The following GSTT4 variants were observed in gnomAD, a reference collection of about 807,000 sequenced individuals.
GSTT4 encodes the protein glutathione S-transferase theta 4, also known as glutathione S-transferase theta-4.
At chr22:23,999,912 GC>G (rs2034188287) in intron 4 of GSTT4, among the ~76,000 whole-genome samples, 162 bp downstream of exon 4, 2 of 152,196 alleles carry the variant, frequency 1.3e-5, no homozygotes, top group African/African-American at 4.8e-5. Context: ...GCTTCCTGTT[GC>G]CCCGATTGAG....
chr22:23,999,800 G>A (rs1243120358), intron 4 of GSTT4, among the ~76,000 whole-genome samples: 7 of 150,486 alleles, frequency 4.7e-5, no homozygotes, highest in Admixed American at 4.6e-4. Context: ...AGGAAATGCA[G>A]TGTTCTTCTC....
At chr22:24,001,990 C>T (rs1231687957) in intron 2 of GSTT4, among the ~76,000 whole-genome samples, 1 of 152,070 alleles carries the variant, frequency 6.6e-6, no homozygotes, top group Admixed American at 6.5e-5. Flanking sequence ...GACTCTGTCT[C>T]AAAAAACCAA....
intron 1 of GSTT4, chr22:24,004,495 G>A (rs1329357314): frequency 1.3e-5 from 2 of 153,892 alleles, no homozygotes; most frequent in Non-Finnish European, 2.9e-5. Flanking sequence ...TCTGTGCTGG[G>A]GATGGAGTTG....
the GSTT4 span, among the ~76,000 whole-genome samples, chr22:23,992,593 A>G: frequency 2.0e-5 from 3 of 151,186 alleles, no homozygotes; most frequent in South Asian, 6.3e-4. Flanking sequence ...CCATCTTAAC[A>G]TTCTTAACAA....
At chr22:23,995,338 T>C (rs1601569711), downstream of GSTT4, among the ~76,000 whole-genome samples, 1 of 152,198 alleles carries the variant, frequency 6.6e-6, no homozygotes, top group East Asian at 1.9e-4. Context: ...GCTGATGGTC[T>C]TCCATGAACA....
chr22:24,002,259 G>A (rs2034246645), intron 2 of GSTT4, among the ~76,000 whole-genome samples: 3 of 152,258 alleles, frequency 2.0e-5, no homozygotes, highest in Admixed American at 1.3e-4. Flanking sequence ...TGAGCCCGAG[G>A]GGGCAGAATG....
At chr22:24,002,783 A>G (rs2034260692) in intron 2 of GSTT4, among the ~76,000 whole-genome samples, 1 of 40,468 alleles carries the variant, frequency 2.5e-5, no homozygotes, top group South Asian at 1.1e-3. Context: ...GTGAGCCAAG[A>G]TAGCGCCACT....
At chr22:23,990,487 G>C in the GSTT4 span, among the ~76,000 whole-genome samples, 9 of 76,734 alleles carry the variant, frequency 1.2e-4, 1 homozygote, top group Middle Eastern at 0.015. Context: ...CTGGGCACGG[G>C]GACGTGCCTG....
In GSTT4 at chr22:23,999,190, G is replaced by A. The variant is rs148400172; in HGVS notation, c.529-451C>T. On this transcript the variant is annotated intron_variant, in intron 4 of 4. Transcript: ENST00000621179. The stretch of plus-strand genomic sequence containing the variant: ...GGCGGGCAGTCTACCCTGCAGTTTC[G>A]CTGGCTTACTAAGAGTTTGGTTTGC... Among the ~76,000 whole-genome samples, 4 of 147,992 alleles carry A rather than the reference G, an allele frequency of 2.7e-5. No homozygotes were observed. In the East Asian group the frequency reaches 6.0e-4, roughly 22 times the overall value.
chr22:24,003,585 C>T (rs1601578400), intron 2 of GSTT4, among the ~76,000 whole-genome samples, 175 bp downstream of exon 2: 2 of 152,274 alleles, frequency 1.3e-5, no homozygotes, highest in South Asian at 2.1e-4. Flanking sequence ...CCCAAGTTGG[C>T]AAGAGTCAGA....
At chr22:23,991,772 A>C in the GSTT4 span, among the ~76,000 whole-genome samples, 3 of 141,634 alleles carry the variant, frequency 2.1e-5, no homozygotes, top group Non-Finnish European at 4.7e-5. Flanking sequence ...GGAAGAGGAG[A>C]GGCTGGGCGC....
intron 2 of GSTT4, among the ~76,000 whole-genome samples, chr22:24,002,281 G>A (rs1317544147): frequency 6.6e-6 from 1 of 152,236 alleles, no homozygotes; most frequent in African/African-American, 2.4e-5. Flanking sequence ...ACAATGAGGG[G>A]GCCAGCAACT....
the GSTT4 span, among the ~76,000 whole-genome samples, chr22:23,989,729 G>A: frequency 1.3e-5 from 2 of 150,868 alleles, no homozygotes; most frequent in South Asian, 4.4e-4. Context: ...AACTCTCAAG[G>A]CTCCCTCCCC....
intron 1 of GSTT4, chr22:24,004,333 G>A (rs2146236352): frequency 6.5e-6 from 1 of 152,876 alleles, no homozygotes; most frequent in South Asian, 2.1e-4. Flanking sequence ...CTGAGGTGGG[G>A]GCAGGAACTG....
chr22:23,995,409 T>C (rs1188808200), downstream of GSTT4, among the ~76,000 whole-genome samples: 10 of 152,146 alleles, frequency 6.6e-5, no homozygotes, highest in Admixed American at 3.9e-4. Context: ...CTCTTTACAT[T>C]TATTACACAT....
At chr22:23,996,898 GA>G (rs1428419466), downstream of GSTT4, among the ~76,000 whole-genome samples, 2 of 152,094 alleles carry the variant, frequency 1.3e-5, no homozygotes, top group Non-Finnish European at 2.9e-5. Flanking sequence ...AAGAGTTTGT[GA>G]AGGCTTTGTG....
downstream of GSTT4, among the ~76,000 whole-genome samples, chr22:23,997,591 GC>G (rs2034129816): frequency 6.6e-6 from 1 of 151,834 alleles, no homozygotes. Context: ...GTAAAGGTTT[GC>G]CAATTTTGTT....
At chr22:24,003,575 C>G (rs575349643) in intron 2 of GSTT4, among the ~76,000 whole-genome samples, 185 bp downstream of exon 2, 5 of 152,256 alleles carry the variant, frequency 3.3e-5, no homozygotes, top group Non-Finnish European at 2.9e-5. Context: ...TAAACTGGAC[C>G]CCAAGTTGGC....
intron 1 of GSTT4, 67 bp from the exon 2 acceptor site, chr22:24,003,914 A>C (rs8138555): frequency 0.16 from 24,852 of 153,696 alleles, 2,079 homozygotes; most frequent in African/African-American, 0.19. Context: ...ACTCCCAGAG[A>C]CCCAAACGCC....
Sources: gnomAD v4.1 joint callset for allele counts (sites outside exome capture counted in the v4.1 genomes callset) on GRCh38, gnomAD v4.1.1 for gene constraint, MANE v1.5 for transcripts, NCBI Gene and HGNC (gene_info 2026-07-23, HGNC 2026-07-21) for gene names.